Variants in ZNF469 observed in about 807,000 individuals in gnomAD.
ZNF469 encodes the protein zinc finger protein 469.
A neutral mutation model predicts 1.0 loss-of-function variants in ZNF469; 1 was observed. That is an observed-to-expected ratio of 1.00 (90% CI 0.35 to 4.73). The LOEUF is 4.73. Among genes scored for constraint, ZNF469 ranks in the 30% most tolerant of loss-of-function variants. ZNF469 has a pLI of 0.16. For missense variants in ZNF469, 6,100 were observed against 5,356.3 expected (o/e 1.14, Z -4.33); for synonymous variants, 2,703 against 2,363.4 (o/e 1.14, Z -4.17).
At chr16:88,174,042 GAAC>G in the ZNF469 span, among the ~76,000 whole-genome samples, 5 of 152,012 alleles carry the variant, frequency 3.3e-5, no homozygotes, top group African/African-American at 4.8e-5. Flanking sequence ...TCCAAATTAT[GAAC>G]AACAATTGTA....
At chr16:88,401,217 G>A (rs545547270) in intron 1 of ZNF469, among the ~76,000 whole-genome samples, 2 of 152,356 alleles carry the variant, frequency 1.3e-5, no homozygotes, top group South Asian at 4.1e-4. Flanking sequence ...TCCCAGCATT[G>A]GGGTATGCAG....
At chr16:88,143,766 C>T in the ZNF469 span, among the ~76,000 whole-genome samples, 6 of 152,254 alleles carry the variant, frequency 3.9e-5, no homozygotes, top group Admixed American at 6.5e-5. Flanking sequence ...GGAGCGGTCC[C>T]GGCTGGATGT....
At chr16:88,389,344 G>A (rs564008745) in intron 1 of ZNF469, among the ~76,000 whole-genome samples, 6 of 152,330 alleles carry the variant, frequency 3.9e-5, no homozygotes, top group South Asian at 2.1e-4. Flanking sequence ...CGCTTCCTTC[G>A]TCTTTGCGGC....
At chr16:88,333,608 A>C in the ZNF469 span, among the ~76,000 whole-genome samples, 28 of 152,314 alleles carry the variant, frequency 1.8e-4, no homozygotes, top group Non-Finnish European at 3.5e-4. Flanking sequence ...CAACTTGGAG[A>C]CATTTCCTTC....
the ZNF469 span, among the ~76,000 whole-genome samples, chr16:88,225,048 G>C: frequency 0.018 from 2,670 of 152,280 alleles, 70 homozygotes; most frequent in African/African-American, 0.062. Flanking sequence ...GCTCCCCACT[G>C]TACATCCTCC....
the ZNF469 span, among the ~76,000 whole-genome samples, chr16:88,205,498 GT>G: frequency 5.9e-5 from 9 of 152,186 alleles, no homozygotes; most frequent in Non-Finnish European, 1.2e-4. The surrounding 1 kb of genome is among the most constrained non-coding windows in gnomAD (Gnocchi z 4.2). Flanking sequence ...CAACCTCATA[GT>G]TTTTTCCTGA....
chr16:88,206,199 T>G, the ZNF469 span, among the ~76,000 whole-genome samples: 1 of 152,212 alleles, frequency 6.6e-6, no homozygotes, highest in Non-Finnish European at 1.5e-5. Context: ...GGACTTGTTT[T>G]TCTTCAACAG....
In ZNF469 at chr16:88,433,485, C is replaced by G. The variant is rs914056509; in HGVS notation, c.6015C>G (p.Asn2005Lys). Reference protein sequence around the residue: ...QGTANQLQPENGVSPGGTDNH... With the variant: ...QGTANQLQPEKGVSPGGTDNH... ...CAGCCAACCAGCTTCAGCCAGAGAACGGGGTGAGCCCAGGGGGCACGGACA... is the reference window on the plus strand; with the variant it reads ...CAGCCAACCAGCTTCAGCCAGAGAAGGGGGTGAGCCCAGGGGGCACGGACA... Residue 2005 changes from asparagine to lysine, a missense_variant, in exon 3 of 3, where the codon AAC (asparagine) becomes AAG (lysine). Transcript: ENST00000565624. The G allele has an allele frequency of 6.5e-7, 1 of 1,550,386 alleles. No individual in the cohort carries two copies. The highest frequency in any genetic ancestry group is 2.4e-5 in the East Asian group (1 of 40,916).
the ZNF469 span, among the ~76,000 whole-genome samples, chr16:88,365,070 T>C: frequency 6.6e-6 from 1 of 152,244 alleles, no homozygotes; most frequent in Non-Finnish European, 1.5e-5. Flanking sequence ...GTATCAATTT[T>C]CAAATTTGAT....
chr16:88,378,200 C>A (rs1043368719), upstream of ZNF469, among the ~76,000 whole-genome samples: 1 of 152,154 alleles, frequency 6.6e-6, no homozygotes, highest in Non-Finnish European at 1.5e-5. Flanking sequence ...CAAGTGGAAA[C>A]TCAGAGAGGC....
the ZNF469 span, among the ~76,000 whole-genome samples, chr16:88,236,702 A>G: frequency 1.3e-5 from 2 of 152,158 alleles, no homozygotes; most frequent in Non-Finnish European, 2.9e-5. Context: ...CCCCATCTCT[A>G]CTAAAAATAC....
chr16:88,134,700 T>A, the ZNF469 span, among the ~76,000 whole-genome samples: 2 of 152,186 alleles, frequency 1.3e-5, no homozygotes, highest in Admixed American at 1.3e-4. Flanking sequence ...CAGCAGGGTG[T>A]TGCCACGCGT....
At chr16:88,397,571 G>A (rs1438872259) in intron 1 of ZNF469, among the ~76,000 whole-genome samples, 1 of 151,250 alleles carries the variant, frequency 6.6e-6, no homozygotes, top group Non-Finnish European at 1.5e-5. Context: ...TATTTATAAG[G>A]CATATATGTA....
the ZNF469 span, among the ~76,000 whole-genome samples, chr16:88,299,879 G>A: frequency 1.3e-5 from 2 of 152,206 alleles, no homozygotes; most frequent in African/African-American, 4.8e-5. Flanking sequence ...TCTGAGGCCA[G>A]CACTGCCCCG....
chr16:88,228,349 G>A, the ZNF469 span, among the ~76,000 whole-genome samples: 1 of 152,360 alleles, frequency 6.6e-6, no homozygotes, highest in Non-Finnish European at 1.5e-5. Context: ...GCCTGGCATG[G>A]GCGCTGGGTC....
chr16:88,403,028 G>A (rs1011968117), intron 1 of ZNF469, among the ~76,000 whole-genome samples: 3 of 152,228 alleles, frequency 2.0e-5, no homozygotes, highest in Admixed American at 6.5e-5. Flanking sequence ...GTGTGGACGC[G>A]TGGGAGACAT....
rs1466087218 is a variant in ZNF469 at position 88,432,018 on chromosome 16, T to C, written c.4548T>C (p.Pro1516=). Residue 1516 remains proline (P), a synonymous_variant, in exon 3 of 3, where the codon CCT becomes CCC. Coordinates refer to ENST00000565624, the MANE Select transcript of ZNF469 (RefSeq NM_001367624.2). Reference sequence around the variant, plus strand: ...CCCCGATGCTGCCTAGCCATTTTCCTGATCTCTCGGGGGGAAAGGTGCTCA... The same window carrying C: ...CCCCGATGCTGCCTAGCCATTTTCCCGATCTCTCGGGGGGAAAGGTGCTCA... The part of the protein sequence containing the change: ...EVSPMLPSHF[P]DLSGGKVLSK... 1.3e-6 allele frequency: 2 copies of C among 1,550,224 alleles called. No homozygotes were observed. The highest frequency in any genetic ancestry group is 1.2e-5 in the South Asian group (1 of 84,060).
At chr16:88,153,572 G>A in the ZNF469 span, among the ~76,000 whole-genome samples, 77 of 152,350 alleles carry the variant, frequency 5.1e-4, no homozygotes, top group East Asian at 0.014. Context: ...GCACGTGCAG[G>A]CGAGAAGGTC....
At chr16:88,114,500 G>C in the ZNF469 span, among the ~76,000 whole-genome samples, 21 of 152,246 alleles carry the variant, frequency 1.4e-4, 1 homozygote, top group South Asian at 4.3e-3. Flanking sequence ...GGGAATGACA[G>C]GGACCACACT....
Sources: gnomAD v4.1 joint callset for allele counts (sites outside exome capture counted in the v4.1 genomes callset) on GRCh38, gnomAD v4.1.1 for gene constraint, Gnocchi (gnomAD v3.1) non-coding constraint, MANE v1.5 for transcripts, NCBI Gene and HGNC (gene_info 2026-07-23, HGNC 2026-07-21) for gene names.